The following EPHA7 variants were observed in gnomAD, a reference collection of about 807,000 sequenced individuals.
EPHA7 encodes the protein ephrin type-A receptor 7.
Under a neutral mutation model 112.6 loss-of-function variants are expected in EPHA7, and 25 were observed. The observed-to-expected ratio is 0.22, with a 90% confidence interval of 0.16 to 0.31. The LOEUF is 0.31. Ranked by LOEUF, EPHA7 falls within the 10% of genes least tolerant of loss-of-function variation. The pLI is 1.00. For synonymous variants in EPHA7, 437 were observed against 406.5 expected (o/e 1.07, Z -0.90); for missense variants, 962 against 1,212.6 (o/e 0.79, Z 3.07).
intron 5 of EPHA7, among the ~76,000 whole-genome samples, chr6:93,347,296 CCTT>C (rs1400963746): frequency 6.6e-6 from 1 of 151,720 alleles, no homozygotes; most frequent in Non-Finnish European, 1.5e-5. Context: ...CAATGTATCA[CCTT>C]CTAAAATTTA....
chr6:93,275,416 A>G (rs1771423785), intron 5 of EPHA7, among the ~76,000 whole-genome samples: 1 of 152,012 alleles, frequency 6.6e-6, no homozygotes, highest in South Asian at 2.1e-4. Flanking sequence ...CATTTTCACT[A>G]GAGTTTCTAG....
At chr6:93,334,034 C>T (rs1368684077) in intron 5 of EPHA7, among the ~76,000 whole-genome samples, 1 of 151,884 alleles carries the variant, frequency 6.6e-6, no homozygotes, top group African/African-American at 2.4e-5. Context: ...TATTACAATG[C>T]TATGGTAACC....
At chr6:93,368,062 C>T (rs1024835225) in intron 3 of EPHA7, among the ~76,000 whole-genome samples, 7 of 152,060 alleles carry the variant, frequency 4.6e-5, no homozygotes, top group African/African-American at 1.4e-4. Context: ...AGGCAATGTA[C>T]CAAAAAGGTA....
chr6:93,299,312 C>T (rs565500424), intron 5 of EPHA7, among the ~76,000 whole-genome samples: 7 of 148,002 alleles, frequency 4.7e-5, no homozygotes, highest in South Asian at 4.2e-4. Flanking sequence ...GGCGACAGAG[C>T]GAGACTCCGT....
intron 5 of EPHA7, among the ~76,000 whole-genome samples, chr6:93,302,920 A>G (rs1254748395): frequency 6.6e-6 from 1 of 152,116 alleles, no homozygotes; most frequent in Non-Finnish European, 1.5e-5. Context: ...AGCTCTAGCC[A>G]GTTCTTAATA....
intron 13 of EPHA7, among the ~76,000 whole-genome samples, chr6:93,255,346 C>T (rs549708355): frequency 3.3e-5 from 4 of 120,166 alleles, no homozygotes; most frequent in African/African-American, 1.1e-4. Flanking sequence ...AAAACTCCAT[C>T]TCAACAACAA....
In EPHA7 at chr6:93,243,610, A is replaced by T. The variant is rs529254227; in HGVS notation, c.2883-70T>A. The T allele has an allele frequency of 8.4e-5, 88 of 1,045,706 alleles. No homozygotes were observed. In the African/African-American group the frequency reaches 1.2e-3, roughly 14 times the overall value. 64.8% of individuals were successfully genotyped at this position (1,045,706 alleles called of 1,614,324 possible). ...TAAATGTGGCACTAAACTGTCATCA[A>T]CTGTTTAATTAAATACGTTATCTTA... On this transcript the variant is annotated intron_variant, in intron 16 of 16. Transcript: ENST00000369303.
In EPHA7 at chr6:93,356,760, G is replaced by A. The variant is rs56140608; in HGVS notation, c.1281C>T (p.Ser427=). ...TACTGACAGCAGCAAAGAGCCTCTG[G>A]GATCGGCTTAAGTCAGAAACTCCAT... ...AVNGVSDLSR[S]QRLFAAVSIT... is the part of the protein sequence containing the mutation. Residue 427 remains serine, a synonymous_variant, in exon 5 of 17, where the codon TCC becomes TCT. Transcript: ENST00000369303. 2.6e-3 allele frequency: 4,191 copies of A among 1,613,848 alleles called. 21 individuals carry two copies. Among genetic ancestry groups the A allele is most frequent in the South Asian group, 5.4e-3 (488 of 91,040 alleles).
At chr6:93,406,527 A>ATTGGTAAACAGGATT (rs1471328810) in intron 3 of EPHA7, among the ~76,000 whole-genome samples, 1 of 151,878 alleles carries the variant, frequency 6.6e-6, no homozygotes, top group African/African-American at 2.4e-5. Context: ...AAAGACTTGA[A>ATTGGTAAACAGGATT]TTGGTAAACA....
At chr6:93,296,994 T>G (rs926047495) in intron 5 of EPHA7, among the ~76,000 whole-genome samples, 2 of 152,020 alleles carry the variant, frequency 1.3e-5, no homozygotes, top group South Asian at 4.1e-4. Flanking sequence ...ATGATGGCTA[T>G]GTTAATTTGC....
intron 3 of EPHA7, among the ~76,000 whole-genome samples, chr6:93,400,562 T>G (rs1778390999): frequency 6.6e-6 from 1 of 152,060 alleles, no homozygotes; most frequent in South Asian, 2.1e-4. Flanking sequence ...AAACAAGGTC[T>G]AACTGTCACC....
At chr6:93,284,852 G>C (rs1243669880) in intron 5 of EPHA7, among the ~76,000 whole-genome samples, 1 of 151,438 alleles carries the variant, frequency 6.6e-6, no homozygotes, top group Admixed American at 6.6e-5. Flanking sequence ...GTTGGGGGGT[G>C]GGGGGCTAGG....
intron 3 of EPHA7, 151 bp from the exon 4 acceptor site, chr6:93,358,562 T>G (rs1031685902): frequency 3.2e-6 from 2 of 625,870 alleles, no homozygotes; most frequent in African/African-American, 1.9e-5. Context: ...GGTATTTCAC[T>G]AGCCAAATGT....
chr6:93,271,812 C>T (rs911731795), intron 6 of EPHA7, among the ~76,000 whole-genome samples: 1 of 151,774 alleles, frequency 6.6e-6, no homozygotes, highest in Non-Finnish European at 1.5e-5. Context: ...GAAATAACAT[C>T]ATCTGATTTG....
intron 5 of EPHA7, among the ~76,000 whole-genome samples, chr6:93,318,788 T>C (rs1486711247): frequency 1.3e-5 from 2 of 152,094 alleles, no homozygotes; most frequent in African/African-American, 2.4e-5. Flanking sequence ...TTCTTAAAAA[T>C]TGTTTTCTCA....
chr6:93,373,375 G>A (rs1020224559), intron 3 of EPHA7, among the ~76,000 whole-genome samples: 1 of 152,004 alleles, frequency 6.6e-6, no homozygotes, highest in African/African-American at 2.4e-5. Context: ...GTGAAAAAAA[G>A]ACTTGAGTCA....
At chr6:93,298,424 T>C (rs766339104) in intron 5 of EPHA7, among the ~76,000 whole-genome samples, 3 of 152,122 alleles carry the variant, frequency 2.0e-5, no homozygotes, top group Non-Finnish European at 4.4e-5. Flanking sequence ...AAGCAAAAGA[T>C]AGACTCATAA....
rs1490135290 is a variant in EPHA7, at chr6:93,241,983, C to T, written c.*1443G>A. On this transcript the variant is annotated 3_prime_UTR_variant, in exon 17 of 17. Coordinates refer to ENST00000369303, the MANE Select transcript of EPHA7 (RefSeq NM_004440.4). ...CTCTATTAAAATCATTATAAACAGC[C>T]CAATTCTCTTTGGAAGTACAACAGT... is the stretch of plus-strand genomic sequence containing the variant. 4.7e-6 allele frequency: 1 copy of T among 212,158 alleles called. No individual in the cohort carries two copies. Among genetic ancestry groups the T allele is most frequent in the African/African-American group, 2.3e-5 (1 of 44,112 alleles). The allele number at this position is 212,158 out of a possible 1,614,324, so 13.1% of individuals were successfully genotyped here.
In EPHA7 at chr6:93,354,779, A is replaced by G. The variant is rs974618936; in HGVS notation, c.1324+1938T>C. On this transcript the variant is annotated intron_variant, in intron 5 of 16. Transcript: ENST00000369303. ...TGATAATATATTTAGCCTGTATAGT[A>G]TTAACTTGAGAAATCAAACAATAGA... is the stretch of plus-strand genomic sequence containing the variant. 7.2e-5 allele frequency among the ~76,000 whole-genome samples: 11 copies of G among 152,208 alleles called. No individual in the cohort carries two copies. In the East Asian group the frequency reaches 1.9e-3, roughly 27 times the overall value.
Sources: gnomAD v4.1 joint callset for allele counts (sites outside exome capture counted in the v4.1 genomes callset) on GRCh38, gnomAD v4.1.1 for gene constraint, MANE v1.5 for transcripts, NCBI Gene and HGNC (gene_info 2026-07-23, HGNC 2026-07-21) for gene names.